The following TAFA5 variants were observed in gnomAD, a reference collection of about 807,000 sequenced individuals.
The protein encoded by TAFA5 is chemokine-like protein TAFA-5.
TAFA5 carries 6 observed loss-of-function variants against 15.3 expected under a neutral mutation model. The ratio of observed to expected loss-of-function variants is 0.39; its 90% CI spans 0.21 to 0.77. TAFA5 has a LOEUF of 0.77. Among genes scored for constraint, TAFA5 ranks in the 30% least tolerant of loss-of-function variants. The pLI, the probability that TAFA5 is intolerant of heterozygous loss-of-function variation, is 0.41. For missense variants in TAFA5, 161 were observed against 193.1 expected (o/e 0.83, Z 0.98); for synonymous variants, 103 against 80.7 (o/e 1.28, Z -1.48).
At chr22:48,618,458 G>A (rs1401169638) in intron 1 of TAFA5, among the ~76,000 whole-genome samples, 1 of 152,262 alleles carries the variant, frequency 6.6e-6, no homozygotes, top group Non-Finnish European at 1.5e-5. Context: ...GGATTTACTT[G>A]CTCATAAAGT....
chr22:48,632,930 C>T, intron 1 of TAFA5, among the ~76,000 whole-genome samples: 1 of 152,184 alleles, frequency 6.6e-6, no homozygotes, highest in African/African-American at 2.4e-5. Flanking sequence ...CTGCAGCATC[C>T]TCAGTTCCAC....
chr22:48,583,249 C>CA (rs1047691628), intron 1 of TAFA5, among the ~76,000 whole-genome samples: 5 of 145,932 alleles, frequency 3.4e-5, no homozygotes, highest in African/African-American at 1.3e-4. Flanking sequence ...ACCGCACACA[C>CA]ACCACACACT....
chr22:48,565,060 T>C (rs1923364651), intron 1 of TAFA5, among the ~76,000 whole-genome samples: 1 of 152,214 alleles, frequency 6.6e-6, no homozygotes. Context: ...AGGTGGGGGC[T>C]GGGGAACCTC....
intron 3 of TAFA5, among the ~76,000 whole-genome samples, chr22:48,747,804 G>A (rs1025675510): frequency 2.0e-5 from 3 of 151,776 alleles, no homozygotes; most frequent in Admixed American, 6.6e-5. Context: ...GGCTGAGGCA[G>A]GAGGATCACT....
intron 1 of TAFA5, among the ~76,000 whole-genome samples, chr22:48,639,989 T>C (rs533061368): frequency 1.3e-5 from 2 of 152,128 alleles, no homozygotes; most frequent in South Asian, 2.1e-4. Context: ...TGTGAGCTGT[T>C]TCTGTAAAGT....
intron 1 of TAFA5, among the ~76,000 whole-genome samples, chr22:48,521,892 G>A (rs969391923): frequency 9.2e-5 from 14 of 152,156 alleles, no homozygotes; most frequent in African/African-American, 2.9e-4. Flanking sequence ...TGTGGAGGGT[G>A]TGGAGGGAGG....
intron 1 of TAFA5, among the ~76,000 whole-genome samples, chr22:48,570,514 G>A (rs2147137908): frequency 6.6e-6 from 1 of 152,298 alleles, no homozygotes; most frequent in Admixed American, 6.5e-5. Context: ...ACCCAGCCTG[G>A]CCCTGATCAC....
At chr22:48,670,950 T>G (rs1172381149) in intron 2 of TAFA5, among the ~76,000 whole-genome samples, 2 of 152,196 alleles carry the variant, frequency 1.3e-5, no homozygotes, top group African/African-American at 2.4e-5. Flanking sequence ...TAAACCTTGT[T>G]AAGTCAAACT....
chr22:48,524,570 G>T (rs1418387102), intron 1 of TAFA5, among the ~76,000 whole-genome samples: 1 of 152,224 alleles, frequency 6.6e-6, no homozygotes, highest in Non-Finnish European at 1.5e-5. Flanking sequence ...AAACACTCGG[G>T]ATGGCTGGAA....
chr22:48,597,026 C>G (rs1005729667), intron 1 of TAFA5, among the ~76,000 whole-genome samples: 1 of 152,170 alleles, frequency 6.6e-6, no homozygotes, highest in Non-Finnish European at 1.5e-5. Flanking sequence ...TAGCTGGTCT[C>G]GAACTCCTAG....
intron 1 of TAFA5, among the ~76,000 whole-genome samples, chr22:48,631,945 C>T (rs1431972747): frequency 9.2e-5 from 14 of 152,182 alleles, no homozygotes; most frequent in Admixed American, 9.2e-4. Flanking sequence ...TGCGTGCCCA[C>T]CTCCCAGGCA....
intron 2 of TAFA5, among the ~76,000 whole-genome samples, chr22:48,686,625 AGAAT>A (rs1470701124): frequency 6.6e-6 from 1 of 152,220 alleles, no homozygotes; most frequent in African/African-American, 2.4e-5. Context: ...GATGGGAGAA[AGAAT>A]GGATGGATGG....
intron 2 of TAFA5, among the ~76,000 whole-genome samples, chr22:48,669,430 C>T (rs937319918): frequency 1.8e-4 from 28 of 152,222 alleles, no homozygotes; most frequent in Admixed American, 5.2e-4. Context: ...CCGTGAGGAC[C>T]CACTTCTAGA....
intron 1 of TAFA5, among the ~76,000 whole-genome samples, chr22:48,556,267 C>G (rs1366735708): frequency 6.6e-6 from 1 of 152,182 alleles, no homozygotes; most frequent in Non-Finnish European, 1.5e-5. Flanking sequence ...CCCAGAGCCC[C>G]CTGTGGTCAG....
chr22:48,593,805 C>CTTGG (rs1389310244), intron 1 of TAFA5, among the ~76,000 whole-genome samples: 2 of 152,100 alleles, frequency 1.3e-5, no homozygotes, highest in Non-Finnish European at 2.9e-5. Context: ...AAGAGCTCCC[C>CTTGG]CGAGGCCAAG....
rs548325044 is a variant in TAFA5 at position 48,623,865 on chromosome 22, T to C, written c.113-22732T>C. ...GGCAGTTCAGAACGTTCCCATATAC[T>C]ATGCACCTACTTTTCACCTAATAAT... On this transcript the variant is annotated intron_variant, in intron 1 of 3. Coordinates refer to ENST00000402357, the MANE Select transcript of TAFA5 (RefSeq NM_001082967.3). Among the ~76,000 whole-genome samples, 5 of 152,398 alleles carry C rather than the reference T, an allele frequency of 3.3e-5. No individual in the cohort carries two copies. The South Asian group carries it at 1.0e-3, about 32-fold the overall frequency.
intron 1 of TAFA5, among the ~76,000 whole-genome samples, chr22:48,621,657 G>A (rs868349114): frequency 7.9e-5 from 12 of 152,198 alleles, no homozygotes; most frequent in Non-Finnish European, 1.0e-4. Flanking sequence ...CCCAGCCTGC[G>A]GCATCAGGAG....
chr22:48,685,395 A>G (rs920473907), intron 2 of TAFA5, among the ~76,000 whole-genome samples: 2 of 152,224 alleles, frequency 1.3e-5, no homozygotes, highest in Admixed American at 1.3e-4. Flanking sequence ...AATTTTCCTC[A>G]CAAGAGACGG....
intron 2 of TAFA5, among the ~76,000 whole-genome samples, chr22:48,655,314 C>T (rs1003700692): frequency 5.3e-5 from 8 of 152,176 alleles, no homozygotes; most frequent in Non-Finnish European, 1.0e-4. Context: ...AATGTAAGTC[C>T]TTAAGTACTT....
Sources: allele counts gnomAD v4.1 joint callset (sites outside exome capture counted in the v4.1 genomes callset), GRCh38; gene constraint gnomAD v4.1.1; transcripts MANE v1.5; gene names NCBI Gene and HGNC (gene_info 2026-07-23, HGNC 2026-07-21).